PSMB2: variants seen among roughly 807,000 people sequenced by gnomAD.
The protein encoded by PSMB2 is proteasome subunit beta type-2.
In PSMB2, 13 loss-of-function variants were observed where a neutral mutation model predicts 25.7. The ratio of observed to expected loss-of-function variants is 0.51; its 90% CI spans 0.33 to 0.80. The LOEUF (loss-of-function observed/expected upper bound fraction) is 0.80. Among genes scored for constraint, PSMB2 ranks in the 30% least tolerant of loss-of-function variants. The pLI is 0.02. For missense variants in PSMB2, 202 were observed against 259.0 expected, an observed-to-expected ratio of 0.78 and a Z score of 1.51; for synonymous variants, 87 against 96.2, an observed-to-expected ratio of 0.90 and a Z score of 0.56.
intron 3 of PSMB2, among the ~76,000 whole-genome samples, chr1:35,615,013 G>C (rs1487802045): frequency 1.3e-5 from 2 of 152,168 alleles, no homozygotes; most frequent in East Asian, 1.9e-4. Context: ...ATAAGGTTGT[G>C]GTAAGGTTTA....
intron 3 of PSMB2, among the ~76,000 whole-genome samples, chr1:35,624,257 C>G (rs1189144469): frequency 6.6e-6 from 1 of 152,098 alleles, no homozygotes; most frequent in Non-Finnish European, 1.5e-5. Context: ...TGGAACAAAC[C>G]CTAAAAACCA....
chr1:35,606,264 C>G (rs554380124), intron 4 of PSMB2, among the ~76,000 whole-genome samples: 4 of 152,106 alleles, frequency 2.6e-5, no homozygotes, highest in African/African-American at 7.2e-5. Flanking sequence ...GTCAAATGTC[C>G]CTATTTGCAG....
chr1:35,623,671 C>G (rs1650764010), intron 3 of PSMB2, among the ~76,000 whole-genome samples: 1 of 152,160 alleles, frequency 6.6e-6, no homozygotes, highest in Admixed American at 6.5e-5. Flanking sequence ...AGCAGGTGAG[C>G]TGAAGGCAAG....
chr1:35,603,221 C>A lies in PSMB2; in HGVS notation c.*46G>T, dbSNP rs1650057229. 1 of 1,592,444 alleles carries A rather than the reference C, an allele frequency of 6.3e-7. No homozygotes were observed. Among genetic ancestry groups the A allele is most frequent in the Non-Finnish European group, 8.5e-7 (1 of 1,173,624 alleles). ...AAAAGAGTAGAAAAAAATAAAGGAGCCCATCAAAAAAAAGTTCCCTGGCAA... is the reference window on the plus strand; with the variant it reads ...AAAAGAGTAGAAAAAAATAAAGGAGACCATCAAAAAAAAGTTCCCTGGCAA... On this transcript the variant is annotated 3_prime_UTR_variant, in exon 6 of 6. Transcript: ENST00000373237.
chr1:35,605,315 G>A (rs1466748852), intron 4 of PSMB2, 33 bp from the exon 5 acceptor site: 9 of 1,598,910 alleles, frequency 5.6e-6, no homozygotes, highest in Non-Finnish European at 7.7e-6. Flanking sequence ...AATACTTCCG[G>A]TGCTGTCATT....
At chr1:35,625,635 G>A (rs1020405686) in intron 3 of PSMB2, among the ~76,000 whole-genome samples, 2 of 151,452 alleles carry the variant, frequency 1.3e-5, no homozygotes, top group African/African-American at 2.4e-5. Context: ...GGTGACGGGC[G>A]CCTGTAGTCC....
At chr1:35,641,150 A>G (rs1460756079) in intron 1 of PSMB2, among the ~76,000 whole-genome samples, 192 bp downstream of exon 1, 1 of 152,140 alleles carries the variant, frequency 6.6e-6, no homozygotes, top group Non-Finnish European at 1.5e-5. Context: ...AGATCGCGCC[A>G]TTGCACTCCG....
rs1553125213 is a variant in PSMB2 at position 35,628,648 on chromosome 1, T to TTTTTTA, written c.285+2625_285+2626insTAAAAA. 2.3e-3 allele frequency among the ~76,000 whole-genome samples: 81 copies of TTTTTTA among 34,640 alleles called. 4 individuals carry two copies. The highest frequency in any genetic ancestry group is 0.011 in the South Asian group (9 of 784). The allele number at this position is 34,640 out of a possible 152,430, so 22.7% of individuals were successfully genotyped here. ...ATATATATATTTTTTTTTTTTTTTT[T>TTTTTTA]AAAGAAAAGACTACTGATCTTTCAC... On this transcript the variant is annotated intron_variant, in intron 3 of 5. Transcript: ENST00000373237.
intron 3 of PSMB2, among the ~76,000 whole-genome samples, chr1:35,622,004 GA>G (rs148609155): frequency 0.024 from 3,528 of 145,092 alleles, 156 homozygotes; most frequent in African/African-American, 0.084. Flanking sequence ...TCAAAAAGAA[GA>G]AAAAAAAAAG....
chr1:35,601,244 T>C lies in PSMB2; in HGVS notation c.*2023A>G. 1.7e-6 allele frequency: 1 copy of C among 604,026 alleles called. No homozygotes were observed. Among genetic ancestry groups the C allele is most frequent in the Non-Finnish European group, 2.1e-6 (1 of 482,240 alleles). 37.4% of individuals were successfully genotyped at this position (604,026 alleles called of 1,614,324 possible). A position where few individuals can be genotyped will look rare whatever the true frequency, so the allele number is the denominator to read the frequency against. On this transcript the variant is annotated 3_prime_UTR_variant, in exon 6 of 6. Transcript: ENST00000373237. ...ACCACGCCTGGCTAATTGTTATATA[T>C]TTTTTTAGTAGAGATGGGGTTTCAC...
chr1:35,622,452 C>T (rs1211148974), intron 3 of PSMB2, among the ~76,000 whole-genome samples: 8 of 152,108 alleles, frequency 5.3e-5, no homozygotes, highest in Admixed American at 5.2e-4. Flanking sequence ...TAGGCTTAAA[C>T]CAAACCTTAA....
At position 35,603,100 on chromosome 1, in the gene PSMB2, A is replaced by G; in HGVS notation, c.*167T>C. On this transcript the variant is annotated 3_prime_UTR_variant, in exon 6 of 6. Coordinates refer to ENST00000373237, the MANE Select transcript of PSMB2 (RefSeq NM_002794.5). ...TCATCTTCCCTCCATATCCTTTCTG[A>G]GGTAATATTAGGTAAACTGAGACCT... 2 of 1,402,472 alleles carry G rather than the reference A, an allele frequency of 1.4e-6. No homozygotes were observed. The highest frequency in any genetic ancestry group is 1.9e-6 in the Non-Finnish European group (2 of 1,079,274). The allele number at this position is 1,402,472 out of a possible 1,614,324, so 86.9% of individuals were successfully genotyped here.
intron 2 of PSMB2, among the ~76,000 whole-genome samples, chr1:35,633,817 CA>C (rs1557459031): frequency 6.6e-6 from 1 of 152,262 alleles, no homozygotes; most frequent in Non-Finnish European, 1.5e-5. Context: ...AAGAGGCCCT[CA>C]AAAGTATTTA....
chr1:35,641,395 A>T lies in PSMB2; in HGVS notation c.38T>A (p.Val13Asp). ...YLIGIQGPDY[V>D]LVASDRVAAS... ...GGCCACCCGGTCGGAGGCGACAAGA[A>T]CATAGTCGGGGCCTTGGATACCGAT... Residue 13 changes from valine to aspartate, a missense_variant, in exon 1 of 6, where the codon GTT becomes GAT. By Grantham distance (152) the Val-to-Asp change is radical (BLOSUM62 -3). Coordinates refer to ENST00000373237, the MANE Select transcript of PSMB2 (RefSeq NM_002794.5). 1 of 1,614,098 alleles carries T rather than the reference A, an allele frequency of 6.2e-7. No individual in the cohort carries two copies. Among genetic ancestry groups the T allele is most frequent in the Non-Finnish European group, 8.5e-7 (1 of 1,180,020 alleles).
chr1:35,628,588 AAAAAAAAAATATATATATATATAT>A (rs1249918647), intron 3 of PSMB2, among the ~76,000 whole-genome samples: 2 of 18,960 alleles, frequency 1.1e-4, no homozygotes, highest in Non-Finnish European at 1.9e-4. Context: ...GAAAAAAAAA[AAAAAAAAAATATATATATATATAT>A]ATATATATAT....
intron 3 of PSMB2, among the ~76,000 whole-genome samples, chr1:35,624,801 G>A (rs191023409): frequency 2.4e-4 from 37 of 151,846 alleles, no homozygotes; most frequent in Non-Finnish European, 4.4e-4. Flanking sequence ...GGTGGCTCAC[G>A]CCTGTAATCC....
chr1:35,602,092 A>ATT lies in PSMB2; in HGVS notation c.*1174_*1175insAA. 6.1e-6 allele frequency: 2 copies of ATT among 327,782 alleles called. No homozygotes were observed. Among genetic ancestry groups the ATT allele is most frequent in the Non-Finnish European group, 8.7e-6 (2 of 228,922 alleles). The allele number at this position is 327,782 out of a possible 1,614,324, so 20.3% of individuals were successfully genotyped here. A position where few individuals can be genotyped will look rare whatever the true frequency, so the allele number is the denominator to read the frequency against. On this transcript the variant is annotated 3_prime_UTR_variant, in exon 6 of 6. Coordinates refer to ENST00000373237, the MANE Select transcript of PSMB2 (RefSeq NM_002794.5). Reference sequence around the variant, plus strand: ...TCACGCCTGTAATCCCAGCACTGGGAAGCCAAGGCAGGCAGACTGCTTGAG... The same window carrying ATT: ...TCACGCCTGTAATCCCAGCACTGGGATTAGCCAAGGCAGGCAGACTGCTTGAG...
rs149698692 is a variant in PSMB2, at chr1:35,634,421, G to T, written c.214+1889C>A. On this transcript the variant is annotated intron_variant, in intron 2 of 5. Coordinates refer to ENST00000373237, the MANE Select transcript of PSMB2 (RefSeq NM_002794.5). ...AGACAGGGTCTCACTCTGTCGCACA[G>T]GCTGGAGTGCAGTGGCACTATCATG... is the stretch of plus-strand genomic sequence containing the variant. Among the ~76,000 whole-genome samples the T allele has an allele frequency of 5.3e-3, 801 of 152,312 alleles. 3 individuals carry two copies. The highest frequency in any genetic ancestry group is 0.018 in the African/African-American group (731 of 41,546).
chr1:35,629,089 G>A (rs535148534), intron 3 of PSMB2, among the ~76,000 whole-genome samples: 1 of 152,128 alleles, frequency 6.6e-6, no homozygotes, highest in Non-Finnish European at 1.5e-5. Flanking sequence ...CTTCATCTCA[G>A]TGATAGAGAC....
Sources: allele counts gnomAD v4.1 joint callset (sites outside exome capture counted in the v4.1 genomes callset), GRCh38; gene constraint gnomAD v4.1.1; transcripts MANE v1.5; gene names NCBI Gene and HGNC (gene_info 2026-07-23, HGNC 2026-07-21).